The following FERMT2 variants were observed in gnomAD, a reference collection of about 807,000 sequenced individuals.
FERMT2 encodes the protein FERM domain containing kindlin 2, also known as fermitin family homolog 2.
Under a neutral mutation model 82.7 loss-of-function variants are expected in FERMT2, and 15 were observed. That is an observed-to-expected ratio of 0.18 (90% CI 0.12 to 0.28). The LOEUF (loss-of-function observed/expected upper bound fraction) is 0.28. Ranked by LOEUF, FERMT2 falls within the 10% of genes least tolerant of loss-of-function variation. The probability of loss-of-function intolerance (pLI) is 1.00; values close to 1 mark genes in which losing one functional copy is unlikely to be tolerated. For missense variants in FERMT2, 645 were observed against 809.4 expected (o/e 0.80, Z 2.46); for synonymous variants, 274 against 271.5 (o/e 1.01, Z -0.09).
intron 4 of FERMT2, among the ~76,000 whole-genome samples, chr14:52,885,094 C>T (rs1357204662): frequency 6.6e-6 from 1 of 151,922 alleles, no homozygotes; most frequent in Non-Finnish European, 1.5e-5. Flanking sequence ...GGGTGGATCA[C>T]CTGAGGTTAG....
intron 3 of FERMT2, among the ~76,000 whole-genome samples, chr14:52,917,271 C>CGTGTGTGTGT (rs150322009): frequency 4.7e-5 from 7 of 147,544 alleles, no homozygotes; most frequent in African/African-American, 1.5e-4. Context: ...CACAGAGATA[C>CGTGTGTGTGT]GTGTGTGTGT....
chr14:52,895,838 T>C (rs1312741946), intron 3 of FERMT2, among the ~76,000 whole-genome samples: 1 of 152,050 alleles, frequency 6.6e-6, no homozygotes, highest in Non-Finnish European at 1.5e-5. Flanking sequence ...ACCCAAAAAT[T>C]AACAATAAAA....
At chr14:52,915,052 A>G (rs1424412545) in intron 3 of FERMT2, among the ~76,000 whole-genome samples, 1 of 152,230 alleles carries the variant, frequency 6.6e-6, no homozygotes, top group Non-Finnish European at 1.5e-5. Flanking sequence ...AAAAATAAAC[A>G]GCATTCCTAA....
rs1486575440 is a variant in FERMT2 at position 52,858,708 on chromosome 14, TC to T, written c.1870-159del. On this transcript the variant is annotated intron_variant, in intron 14 of 14. Coordinates refer to ENST00000341590, the MANE Select transcript of FERMT2 (RefSeq NM_006832.3). ...AACCTAAACGAATAATGCCTTTAAG[TC>T]CCAAAGAAGAAGCTAAGTTTATTGC... 1.8e-5 allele frequency: 11 copies of T among 603,992 alleles called. No individual in the cohort carries two copies. In the African/African-American group the frequency reaches 2.0e-4, roughly 11 times the overall value. The allele number at this position is 603,992 out of a possible 1,614,324, so 37.4% of individuals were successfully genotyped here. A position where few individuals can be genotyped will look rare whatever the true frequency, so the allele number is the denominator to read the frequency against.
At chr14:52,865,281 G>A (rs1041813166) in intron 10 of FERMT2, among the ~76,000 whole-genome samples, 1 of 152,068 alleles carries the variant, frequency 6.6e-6, no homozygotes, top group East Asian at 1.9e-4. Flanking sequence ...AGATCGCACC[G>A]TTGCACTCCA....
At chr14:52,894,285 C>T (rs571732898) in intron 3 of FERMT2, among the ~76,000 whole-genome samples, 3 of 152,060 alleles carry the variant, frequency 2.0e-5, no homozygotes, top group Non-Finnish European at 4.4e-5. Context: ...CACACACACA[C>T]AATATATATT....
chr14:52,912,911 T>C (rs1034363747), intron 3 of FERMT2, among the ~76,000 whole-genome samples: 1 of 152,212 alleles, frequency 6.6e-6, no homozygotes, highest in African/African-American at 2.4e-5. Context: ...TAATGTTCTC[T>C]AAGGTCATGC....
chr14:52,920,254 T>TTA (rs1888879039), intron 2 of FERMT2, among the ~76,000 whole-genome samples: 1 of 152,162 alleles, frequency 6.6e-6, no homozygotes, highest in Non-Finnish European at 1.5e-5. Flanking sequence ...TAAAGACTGC[T>TTA]GGGATCAACT....
chr14:52,948,859 G>A (rs1890482308), intron 2 of FERMT2, among the ~76,000 whole-genome samples: 1 of 152,018 alleles, frequency 6.6e-6, no homozygotes, highest in Non-Finnish European at 1.5e-5. Context: ...GTATTAATAT[G>A]GTCCATTTAC....
At chr14:52,894,927 GAC>G (rs1454670108) in intron 3 of FERMT2, among the ~76,000 whole-genome samples, 3 of 146,294 alleles carry the variant, frequency 2.1e-5, no homozygotes, top group Non-Finnish European at 4.5e-5. Flanking sequence ...CTCTTTAAAA[GAC>G]ACTGTTGAGA....
chr14:52,879,883 A>G (rs1195470690), intron 6 of FERMT2, among the ~76,000 whole-genome samples: 1 of 152,198 alleles, frequency 6.6e-6, no homozygotes, highest in Admixed American at 6.5e-5. Context: ...AGAAAAGTGA[A>G]GTACTATGGT....
intron 2 of FERMT2, among the ~76,000 whole-genome samples, chr14:52,932,530 A>G (rs1441331051): frequency 6.6e-6 from 1 of 152,246 alleles, no homozygotes; most frequent in East Asian, 1.9e-4. Context: ...AAGAATGCAT[A>G]TACTAATATG....
At chr14:52,872,699 G>T in intron 10 of FERMT2, 100 bp downstream of exon 10, 2 of 1,282,720 alleles carry the variant, frequency 1.6e-6, no homozygotes, top group Non-Finnish European at 2.2e-6. Flanking sequence ...TAAAGAAATT[G>T]ATTTTTTTAA....
intron 10 of FERMT2, among the ~76,000 whole-genome samples, chr14:52,865,460 G>A (rs1164445235): frequency 6.6e-6 from 1 of 152,190 alleles, no homozygotes; most frequent in Non-Finnish European, 1.5e-5. Flanking sequence ...TGCAGTCAGA[G>A]AGACTTGGGT....
chr14:52,918,982 TA>T (rs1888784841), intron 3 of FERMT2, 140 bp downstream of exon 3: 2 of 521,876 alleles, frequency 3.8e-6, no homozygotes, highest in Non-Finnish European at 6.8e-6. Flanking sequence ...ATAAAAACTT[TA>T]ATGAAGTAGA....
Position 52,881,305 on chromosome 14 carries a change from C to T in FERMT2, c.691G>A (p.Glu231Lys). The T allele has an allele frequency of 6.2e-7, 1 of 1,614,034 alleles. No homozygotes were observed. Among genetic ancestry groups the T allele is most frequent in the Non-Finnish European group, 8.5e-7 (1 of 1,180,014 alleles). ...LAVSQPITSP[E>K]ILAKMFKPQA... ...GGCTTGAACATTTTTGCCAAGATTT[C>T]TGGTGACGTGATTGGTTGACTGACA... The change falls in exon 5 of 15, where the codon GAA becomes AAA. Residue 231 changes from glutamate (E) to lysine (K), a missense_variant. Transcript: ENST00000341590.
chr14:52,882,282 T>A (rs1302656915), intron 4 of FERMT2, among the ~76,000 whole-genome samples: 3 of 152,180 alleles, frequency 2.0e-5, no homozygotes, highest in Non-Finnish European at 2.9e-5. Context: ...AAAGGGGAGA[T>A]AAAAGTCTGC....
chr14:52,889,877 G>A (rs781152589), intron 4 of FERMT2, among the ~76,000 whole-genome samples: 1 of 152,096 alleles, frequency 6.6e-6, no homozygotes, highest in African/African-American at 2.4e-5. Flanking sequence ...GCTTGTAATC[G>A]CAACACTTTG....
Position 52,875,350 on chromosome 14 carries a change from A to G in FERMT2, c.971T>C (p.Ile324Thr). 6.3e-7 allele frequency: 1 copy of G among 1,593,572 alleles called. No homozygotes were observed. The highest frequency in any genetic ancestry group is 8.6e-7 in the Non-Finnish European group (1 of 1,166,880). Residue 324 changes from isoleucine to threonine, a missense_variant, in exon 8 of 15, where the codon ATC becomes ACC. By Grantham distance (89) the Ile-to-Thr change is moderately conservative (BLOSUM62 -1). Transcript: ENST00000341590. ...TGATGTCATGATTGACAGCTTATTG[A>G]TATGATACTGAAACCAGAATTATTT... The part of the protein sequence containing the change: ...MMMFAALQYH[I>T]NKLSIMTSEN...
Sources: allele counts gnomAD v4.1 joint callset (sites outside exome capture counted in the v4.1 genomes callset), GRCh38; gene constraint gnomAD v4.1.1; transcripts MANE v1.5; gene names NCBI Gene and HGNC (gene_info 2026-07-23, HGNC 2026-07-21).